Variants in DNAH6 observed in about 807,000 individuals in gnomAD.
The protein encoded by DNAH6 is axonemal beta dynein heavy chain 6.
A neutral mutation model predicts 491.4 loss-of-function variants in DNAH6; 340 were observed. That is an observed-to-expected ratio of 0.69 (90% CI 0.63 to 0.76). The LOEUF (loss-of-function observed/expected upper bound fraction) is 0.76, where lower values mean the gene tolerates loss of function less well. DNAH6 is among the 30% of genes least tolerant of loss of function. The pLI, the probability that DNAH6 is intolerant of heterozygous loss-of-function variation, is 0.00. For synonymous variants in DNAH6, 1,603 were observed against 1,686.1 expected (o/e 0.95, Z 1.21); for missense variants, 4,443 against 4,972.2 (o/e 0.89, Z 3.20).
intron 37 of DNAH6, among the ~76,000 whole-genome samples, chr2:84,664,715 C>A (rs1314987104): frequency 6.6e-6 from 1 of 152,254 alleles, no homozygotes; most frequent in South Asian, 2.1e-4. Flanking sequence ...CAAGGATATC[C>A]AGGAATTGAA....
chr2:84,489,327 T>C, the DNAH6 span, among the ~76,000 whole-genome samples: 1 of 152,076 alleles, frequency 6.6e-6, no homozygotes, highest in Non-Finnish European at 1.5e-5. Context: ...GAGAAAGACA[T>C]AGGAGTCAGA....
Position 84,699,513 on chromosome 2 carries a change from C to T in DNAH6, c.7678-81C>T, listed in dbSNP as rs1695689536. 5 of 1,237,114 alleles carry T rather than the reference C, an allele frequency of 4.0e-6. No individual in the cohort carries two copies. The South Asian group carries it at 4.5e-5, about 11-fold the overall frequency. 76.6% of individuals were successfully genotyped at this position (1,237,114 alleles called of 1,614,324 possible). Reference sequence around the variant, plus strand: ...ACATTTTATATTTGATATTGGGAGCCTCAGATGCATTAGCCAACACTTATT... The same window carrying T: ...ACATTTTATATTTGATATTGGGAGCTTCAGATGCATTAGCCAACACTTATT... On this transcript the variant is annotated intron_variant, in intron 47 of 76. Coordinates refer to ENST00000389394, the MANE Select transcript of DNAH6 (RefSeq NM_001370.2).
chr2:84,480,116 C>A, the DNAH6 span, among the ~76,000 whole-genome samples: 1 of 152,200 alleles, frequency 6.6e-6, no homozygotes, highest in Admixed American at 6.5e-5. Flanking sequence ...TGAGCCTTTA[C>A]TTGATTTGGC....
At chr2:84,646,063 G>A (rs1222220475) in intron 33 of DNAH6, among the ~76,000 whole-genome samples, 1 of 152,174 alleles carries the variant, frequency 6.6e-6, no homozygotes, top group Non-Finnish European at 1.5e-5. Flanking sequence ...TATCAGCACA[G>A]TTTTTCCAGT....
At chr2:84,793,874 T>G (rs1266068072) in intron 68 of DNAH6, among the ~76,000 whole-genome samples, 4 of 152,152 alleles carry the variant, frequency 2.6e-5, no homozygotes, top group Admixed American at 6.6e-5. Context: ...AGAAATAAAT[T>G]ATTGAGATTC....
rs761336868 is a variant in DNAH6 at position 84,528,914 on chromosome 2, C to T, written c.410C>T (p.Pro137Leu). 7.8e-6 allele frequency: 12 copies of T among 1,548,314 alleles called. No individual in the cohort carries two copies. The highest frequency in any genetic ancestry group is 1.4e-5 in the African/African-American group (1 of 72,428). Residue 137 changes from proline to leucine, a missense_variant, in exon 4 of 77, where the codon CCC becomes CTC. By Grantham distance (98) the Pro-to-Leu change is moderately conservative. Coordinates refer to ENST00000389394, the MANE Select transcript of DNAH6 (RefSeq NM_001370.2). ...DAVKKMQIHRPYVEVFSPSPP... is the reference protein window; with the variant it reads ...DAVKKMQIHRLYVEVFSPSPP... ...ATTGGCTTTGTTTAGATTCATCGGC[C>T]CTATGTTGAGGTGTTCTCTCCCTCT... is the stretch of plus-strand genomic sequence containing the variant.
At chr2:84,758,715 C>G (rs2105113183) in intron 63 of DNAH6, among the ~76,000 whole-genome samples, 1 of 152,220 alleles carries the variant, frequency 6.6e-6, no homozygotes, top group Non-Finnish European at 1.5e-5. Flanking sequence ...TCAATAGACT[C>G]AGAAAAGCAT....
chr2:84,551,125 C>T (rs953197099), intron 9 of DNAH6, among the ~76,000 whole-genome samples: 2 of 152,160 alleles, frequency 1.3e-5, no homozygotes, highest in African/African-American at 4.8e-5. Context: ...TCTCCCACTC[C>T]ACAGAAAGCT....
intron 18 of DNAH6, among the ~76,000 whole-genome samples, chr2:84,599,283 T>C (rs78358796): frequency 0.029 from 4,362 of 152,246 alleles, 226 homozygotes; most frequent in African/African-American, 0.099. Context: ...TGCTTGTCTT[T>C]TCAGTTCCTG....
intron 68 of DNAH6, among the ~76,000 whole-genome samples, chr2:84,789,203 T>C (rs916925689): frequency 6.6e-6 from 1 of 152,196 alleles, no homozygotes; most frequent in Admixed American, 6.5e-5. Flanking sequence ...CCACATCAAT[T>C]TGCAAAGAAA....
rs1356168537 is a variant in DNAH6 at position 84,547,604 on chromosome 2, C to T, written c.1178C>T (p.Pro393Leu). ...GFVPDDCAFGPFEDYHKVQSS... is the reference protein window; with the variant it reads ...GFVPDDCAFGLFEDYHKVQSS... ...GTTCCTGATGACTGTGCATTTGGAC[C>T]TTTTGAGGGTATGAAGGGGAAAGAA... Residue 393 changes from proline (P) to leucine (L), a missense_variant, in exon 7 of 77, where the codon CCT becomes CTT. Transcript: ENST00000389394. 1 of 1,551,686 alleles carries T rather than the reference C, an allele frequency of 6.4e-7. No individual in the cohort carries two copies. The highest frequency in any genetic ancestry group is 1.4e-5 in the African/African-American group (1 of 73,006).
At chr2:84,785,845 C>A in intron 67 of DNAH6, 89 bp downstream of exon 67, 1 of 1,298,130 alleles carries the variant, frequency 7.7e-7, no homozygotes, top group Non-Finnish European at 1.0e-6. Context: ...TTATAAATGT[C>A]ATTGTGAAAT....
chr2:84,580,988 G>C (rs373362353), intron 14 of DNAH6, among the ~76,000 whole-genome samples: 12 of 152,260 alleles, frequency 7.9e-5, no homozygotes, highest in Non-Finnish European at 1.5e-4. Flanking sequence ...AGCTACTTCT[G>C]CTTCTTCTTA....
intron 2 of DNAH6, among the ~76,000 whole-genome samples, chr2:84,521,535 G>A (rs765212428): frequency 2.6e-5 from 4 of 152,066 alleles, no homozygotes; most frequent in Non-Finnish European, 2.9e-5. Context: ...TCTTTGTCAT[G>A]AAATCTTTGC....
At chr2:84,738,264 A>AAGC (rs997206964) in intron 62 of DNAH6, among the ~76,000 whole-genome samples, 3 of 152,172 alleles carry the variant, frequency 2.0e-5, no homozygotes, top group Non-Finnish European at 4.4e-5. Context: ...CTTTATGACC[A>AAGC]AGCATGTGGT....
chr2:84,788,060 C>G (rs1029039643), intron 68 of DNAH6, among the ~76,000 whole-genome samples: 3 of 151,926 alleles, frequency 2.0e-5, no homozygotes, highest in African/African-American at 7.3e-5. Flanking sequence ...TAAAATGAAA[C>G]CTTAAAACAT....
chr2:84,682,651 G>A (rs1423525409), intron 42 of DNAH6, among the ~76,000 whole-genome samples: 3 of 152,144 alleles, frequency 2.0e-5, no homozygotes, highest in Non-Finnish European at 4.4e-5. Context: ...GGCCCCAGAG[G>A]AGACTACCAT....
At chr2:84,763,495 G>T (rs1274107429) in intron 64 of DNAH6, among the ~76,000 whole-genome samples, 1 of 151,960 alleles carries the variant, frequency 6.6e-6, no homozygotes, top group Non-Finnish European at 1.5e-5. Flanking sequence ...TCTCCAAGAT[G>T]TCATCCAGGT....
chr2:84,717,827 A>C (rs1226394770), intron 58 of DNAH6, among the ~76,000 whole-genome samples: 1 of 152,210 alleles, frequency 6.6e-6, no homozygotes, highest in African/African-American at 2.4e-5. Context: ...TACAGAAAGA[A>C]TATTCAAGGC....
Sources: allele counts gnomAD v4.1 joint callset (sites outside exome capture counted in the v4.1 genomes callset), GRCh38; gene constraint gnomAD v4.1.1; transcripts MANE v1.5; gene names NCBI Gene and HGNC (gene_info 2026-07-23, HGNC 2026-07-21).